Variants in RNF180 observed in about 807,000 individuals in gnomAD.
The protein encoded by RNF180 is ring finger protein 180.
In RNF180, 38 loss-of-function variants were observed where a neutral mutation model predicts 59.2. The observed-to-expected ratio is 0.64, with a 90% confidence interval of 0.50 to 0.84. The LOEUF (loss-of-function observed/expected upper bound fraction) is 0.84. RNF180 is among the 40% of genes least tolerant of loss of function. The pLI, the probability that RNF180 is intolerant of heterozygous loss-of-function variation, is 0.00. For synonymous variants in RNF180, 262 were observed against 240.3 expected (o/e 1.09, Z -0.84); for missense variants, 705 against 700.9 (o/e 1.01, Z -0.07).
At chr5:64,325,979 A>G (rs1250100134) in intron 6 of RNF180, among the ~76,000 whole-genome samples, 1 of 152,214 alleles carries the variant, frequency 6.6e-6, no homozygotes, top group Non-Finnish European at 1.5e-5. Flanking sequence ...TAATGAAGAG[A>G]TAATAATGAA....
intron 1 of RNF180, among the ~76,000 whole-genome samples, chr5:64,176,941 TG>T (rs1398603284): frequency 1.3e-5 from 2 of 152,170 alleles, no homozygotes; most frequent in African/African-American, 4.8e-5. Flanking sequence ...AATAGACGTG[TG>T]GGCCAATGGT....
intron 7 of RNF180, among the ~76,000 whole-genome samples, chr5:64,345,175 T>C (rs1745507761): frequency 6.6e-6 from 1 of 152,170 alleles, no homozygotes; most frequent in Non-Finnish European, 1.5e-5. Context: ...TCCAACACTC[T>C]TCTAATTTAG....
intron 7 of RNF180, among the ~76,000 whole-genome samples, chr5:64,355,294 ACACTAAAAG>A (rs1745973462): frequency 6.6e-6 from 1 of 151,980 alleles, no homozygotes; most frequent in Non-Finnish European, 1.5e-5. Flanking sequence ...TCCAGAAAGG[ACACTAAAAG>A]CAATTCGATT....
chr5:64,323,875 G>GTAGGAA (rs1744495440), intron 5 of RNF180, among the ~76,000 whole-genome samples: 1 of 152,132 alleles, frequency 6.6e-6, no homozygotes, highest in Non-Finnish European at 1.5e-5. Context: ...ACTAACCTCT[G>GTAGGAA]AGCTGCCTCT....
chr5:64,205,294 T>G (rs1207537341), intron 2 of RNF180, among the ~76,000 whole-genome samples: 5 of 152,170 alleles, frequency 3.3e-5, no homozygotes, highest in Admixed American at 3.3e-4. Context: ...GCCACTGGCA[T>G]GCTGTAAGAC....
At chr5:64,282,648 AT>A (rs1200694485) in intron 5 of RNF180, among the ~76,000 whole-genome samples, 4 of 151,948 alleles carry the variant, frequency 2.6e-5, no homozygotes, top group Non-Finnish European at 4.4e-5. Flanking sequence ...TTGAGATCTA[AT>A]TTTTTTATGT....
chr5:64,244,080 T>A (rs1245331645), intron 5 of RNF180, among the ~76,000 whole-genome samples: 1 of 151,760 alleles, frequency 6.6e-6, no homozygotes, highest in Non-Finnish European at 1.5e-5. Context: ...AGAAACCCCA[T>A]CCAAAGGTCA....
intron 7 of RNF180, among the ~76,000 whole-genome samples, chr5:64,330,851 C>T (rs1744875213): frequency 6.6e-6 from 1 of 152,190 alleles, no homozygotes; most frequent in Non-Finnish European, 1.5e-5. Flanking sequence ...TCCAAGTTAG[C>T]AGGGTGGGAG....
intron 7 of RNF180, among the ~76,000 whole-genome samples, chr5:64,349,537 C>T (rs924897539): frequency 6.6e-6 from 1 of 151,756 alleles, no homozygotes; most frequent in African/African-American, 2.4e-5. Flanking sequence ...CCCATTAACT[C>T]ATCATTTACA....
chr5:64,258,363 A>AGGTG (rs915694003), intron 5 of RNF180, among the ~76,000 whole-genome samples: 1 of 152,116 alleles, frequency 6.6e-6, no homozygotes, highest in African/African-American at 2.4e-5. Context: ...GTGGGAAGGG[A>AGGTG]GGTGGATAAG....
rs887556707 is a variant in RNF180, at chr5:64,364,664, T to G, written c.1580-4951T>G. 5.3e-5 allele frequency among the ~76,000 whole-genome samples: 8 copies of G among 151,822 alleles called. 1 individual carries two copies. The highest frequency in any genetic ancestry group is 1.2e-4 in the Non-Finnish European group (8 of 67,820). On this transcript the variant is annotated intron_variant, in intron 7 of 7. Coordinates refer to ENST00000389100, the MANE Select transcript of RNF180 (RefSeq NM_001113561.2). ...GTGGGAATGGTACCAGCATTCTTTG[T>G]ATATCTTACAGAATTTGGCTGTGAA... is the stretch of plus-strand genomic sequence containing the variant.
intron 7 of RNF180, among the ~76,000 whole-genome samples, chr5:64,357,268 C>T (rs1746064653): frequency 2.0e-5 from 3 of 151,868 alleles, no homozygotes; most frequent in South Asian, 2.1e-4. Context: ...TTAACAGTAA[C>T]TCTATACCTA....
chr5:64,214,373 A>G lies in RNF180; in HGVS notation c.1047A>G (p.Glu349=), dbSNP rs1752501379. 2 of 1,613,978 alleles carry G rather than the reference A, an allele frequency of 1.2e-6. No homozygotes were observed. ...GRSMPEASDQ[E]EHLSPLDFLH... ...GCATGCCGGAGGCCTCAGACCAGGA[A>G]GAGCACCTCTCCCCTCTGGACTTCC... The change falls in exon 4 of 8, where the codon GAA becomes GAG. Residue 349 remains glutamate, a synonymous_variant. Coordinates refer to ENST00000389100, the MANE Select transcript of RNF180 (RefSeq NM_001113561.2).
Position 64,189,020 on chromosome 5 carries a change from T to C in RNF180, c.1-11788T>C, listed in dbSNP as rs1253013126. ...TAAGAAGAGGAAGAGACATCTGAAG[T>C]ATACACAAACAGAGGAAAGGACATA... On this transcript the variant is annotated intron_variant, in intron 1 of 7. Transcript: ENST00000389100. Among the ~76,000 whole-genome samples the C allele has an allele frequency of 2.0e-5, 3 of 151,860 alleles. No individual in the cohort carries two copies. In the East Asian group the frequency reaches 5.8e-4, roughly 30 times the overall value.
chr5:64,344,525 A>AG (rs1745478654), intron 7 of RNF180, among the ~76,000 whole-genome samples: 2 of 117,480 alleles, frequency 1.7e-5, no homozygotes, highest in African/African-American at 4.3e-5. Context: ...AGGAACTGCT[A>AG]GAAAAAAAAA....
intron 5 of RNF180, among the ~76,000 whole-genome samples, chr5:64,224,064 T>G (rs758107154): frequency 9.9e-4 from 93 of 93,648 alleles, no homozygotes; most frequent in South Asian, 2.7e-3. Context: ...TAGGTTGGGG[T>G]GTGTGTGTGT....
chr5:64,305,135 G>T (rs1005240663), intron 5 of RNF180, among the ~76,000 whole-genome samples: 3 of 151,606 alleles, frequency 2.0e-5, no homozygotes, highest in Admixed American at 6.6e-5. Context: ...ACTTTTGTAT[G>T]CACTGGGAAA....
At chr5:64,226,207 C>T (rs1741746626) in intron 5 of RNF180, among the ~76,000 whole-genome samples, 1 of 151,896 alleles carries the variant, frequency 6.6e-6, no homozygotes, top group East Asian at 1.9e-4. Context: ...ATGACAATGG[C>T]GGTTTTGTCG....
intron 5 of RNF180, among the ~76,000 whole-genome samples, chr5:64,275,949 TG>T (rs1397197121): frequency 1.3e-5 from 2 of 152,060 alleles, no homozygotes; most frequent in African/African-American, 4.8e-5. Flanking sequence ...GCTTCCCTGC[TG>T]ACAAAACTCC....
Sources: allele counts gnomAD v4.1 joint callset (sites outside exome capture counted in the v4.1 genomes callset), GRCh38; gene constraint gnomAD v4.1.1; transcripts MANE v1.5; gene names NCBI Gene and HGNC (gene_info 2026-07-23, HGNC 2026-07-21).